CD46: variants seen among roughly 807,000 people sequenced by gnomAD.
CD46 encodes the protein membrane cofactor protein.
CD46 carries 30 observed loss-of-function variants against 53.3 expected under a neutral mutation model. The ratio of observed to expected loss-of-function variants is 0.56; its 90% confidence interval spans 0.42 to 0.76. CD46 has a LOEUF of 0.76. Ranked by LOEUF, CD46 falls within the 30% of genes least tolerant of loss-of-function variation. The pLI, the probability that CD46 is intolerant of heterozygous loss-of-function variation, is 0.00. For missense variants in CD46, 409 were observed against 463.0 expected (o/e 0.88, Z 1.07); for synonymous variants, 142 against 152.0 (o/e 0.93, Z 0.48).
chr1:207,760,367 T>C (rs1656042824), intron 4 of CD46: 3 of 152,348 alleles, frequency 2.0e-5, no homozygotes, highest in African/African-American at 7.2e-5. Flanking sequence ...ACACAATATG[T>C]AGCCTTTGGA....
At chr1:207,783,242 A>T in intron 8 of CD46, 50 bp from the exon 9 acceptor site, 102 of 904,940 alleles carry the variant, frequency 1.1e-4, no homozygotes, top group Non-Finnish European at 1.7e-4. Context: ...TTTATATTTA[A>T]TTCTTTCCTT....
At chr1:207,791,359 T>C (rs1659785988) in intron 12 of CD46, among the ~76,000 whole-genome samples, 1 of 152,160 alleles carries the variant, frequency 6.6e-6, no homozygotes, top group African/African-American at 2.4e-5. Flanking sequence ...ATAATATCAA[T>C]TATAAAAATA....
At chr1:207,770,751 C>T (rs1324338643) in intron 8 of CD46, among the ~76,000 whole-genome samples, 1 of 152,204 alleles carries the variant, frequency 6.6e-6, no homozygotes, top group Non-Finnish European at 1.5e-5. Context: ...TTTATGGCTG[C>T]ATAGTATTCC....
In CD46 at chr1:207,767,813, C is replaced by T. The variant is rs778868573; in HGVS notation, c.891C>T (p.Ser297=). 1 of 1,609,990 alleles carries T rather than the reference C, an allele frequency of 6.2e-7. No homozygotes were observed. The highest frequency in any genetic ancestry group is 1.7e-5 in the Admixed American group (1 of 60,020). Residue 297 remains serine, a synonymous_variant, in exon 7 of 13, where the codon TCC becomes TCT. Transcript: ENST00000367042. ...CTTCCACTACAAAATCTCCAGCGTC[C>T]AGTGCCTCAGGTTTAGTAATTTCCT... ...STSSTTKSPA[S]SASGPRPTYK...
At chr1:207,785,238 CTT>C in intron 10 of CD46, 132 bp downstream of exon 10, 1 of 727,896 alleles carries the variant, frequency 1.4e-6, no homozygotes, top group Non-Finnish European at 2.4e-6. Flanking sequence ...GAAAACCTGA[CTT>C]TTTATTTGAT....
intron 5 of CD46, among the ~76,000 whole-genome samples, chr1:207,763,797 G>GA (rs1558052733): frequency 1.3e-5 from 2 of 149,340 alleles, no homozygotes; most frequent in African/African-American, 4.9e-5. Flanking sequence ...ATTTTCCAGT[G>GA]AGTTTCCTTG....
At chr1:207,786,518 G>A (rs1659288843) in intron 11 of CD46, among the ~76,000 whole-genome samples, 1 of 152,154 alleles carries the variant, frequency 6.6e-6, no homozygotes, top group Non-Finnish European at 1.5e-5. Context: ...CTAAGATTAG[G>A]TGCTTTGAAA....
At chr1:207,783,648 A>G (rs1352443752) in intron 9 of CD46, 1 of 192,948 alleles carries the variant, frequency 5.2e-6, no homozygotes, top group Admixed American at 5.8e-5. Context: ...TACGCAGTTT[A>G]CACAATGCAT....
Position 207,756,558 on chromosome 1 carries a change from G to C in CD46, c.98-456G>C, listed in dbSNP as rs41317045. On this transcript the variant is annotated intron_variant, in intron 1 of 12. Coordinates refer to ENST00000367042, the MANE Select transcript of CD46 (RefSeq NM_172351.3). ...GTAGAAAAAGAAGAACATGGTTCTT[G>C]ACCCCCAGGAACTTGCCTTTTAAGA... Among the ~76,000 whole-genome samples, 513 of 152,292 alleles carry C rather than the reference G, an allele frequency of 3.4e-3. 3 individuals are homozygous for C. The highest frequency in any genetic ancestry group is 0.012 in the African/African-American group (487 of 41,560).
At chr1:207,766,612 A>G (rs2102593263) in intron 5 of CD46, among the ~76,000 whole-genome samples, 1 of 152,270 alleles carries the variant, frequency 6.6e-6, no homozygotes, top group East Asian at 1.9e-4. Context: ...CAGCAGGATG[A>G]ATAAATTATT....
Position 207,752,384 on chromosome 1 carries a change from G to C in CD46, c.97+75G>C. 1 of 1,371,398 alleles carries C rather than the reference G, an allele frequency of 7.3e-7. No homozygotes were observed. Among genetic ancestry groups the C allele is most frequent in the East Asian group, 2.3e-5 (1 of 43,812 alleles). 85.0% of individuals were successfully genotyped at this position (1,371,398 alleles called of 1,614,324 possible). A position where few individuals can be genotyped will look rare whatever the true frequency, so the allele number is the denominator to read the frequency against. On this transcript the variant is annotated intron_variant, in intron 1 of 12. Coordinates refer to ENST00000367042, the MANE Select transcript of CD46 (RefSeq NM_172351.3). This position sits in a 1 kb window ranked among gnomAD's most constrained non-coding sequence, Gnocchi z 4.1. Reference sequence around the variant, plus strand: ...CTCAGTCGGGCAAGAGTCGCGGGGCGGGGCTCACAGCAGGCCGTGCCTGTT... The same window carrying C: ...CTCAGTCGGGCAAGAGTCGCGGGGCCGGGCTCACAGCAGGCCGTGCCTGTT...
intron 8 of CD46, among the ~76,000 whole-genome samples, chr1:207,773,830 G>A (rs1446919053): frequency 3.9e-5 from 6 of 152,170 alleles, no homozygotes; most frequent in Admixed American, 6.5e-5. Context: ...GAATAAGTGC[G>A]ATGTGGTGCT....
intron 8 of CD46, among the ~76,000 whole-genome samples, chr1:207,781,585 A>C (rs1658740375): frequency 6.6e-6 from 1 of 152,056 alleles, no homozygotes; most frequent in Non-Finnish European, 1.5e-5. Context: ...TCTCTGATCT[A>C]TTTTGAGTTT....
intron 5 of CD46, among the ~76,000 whole-genome samples, chr1:207,764,489 C>T (rs1656620867): frequency 6.6e-6 from 1 of 152,154 alleles, no homozygotes; most frequent in Non-Finnish European, 1.5e-5. Flanking sequence ...GTTTCTCATC[C>T]TTTTTCTGAC....
chr1:207,789,278 C>T (rs1230847825), intron 11 of CD46, among the ~76,000 whole-genome samples: 2 of 151,802 alleles, frequency 1.3e-5, no homozygotes, highest in African/African-American at 4.8e-5. Flanking sequence ...TTCCTTTTTT[C>T]CATTAATGGT....
At chr1:207,785,740 T>C in intron 11 of CD46, 58 bp downstream of exon 11, 1 of 1,093,210 alleles carries the variant, frequency 9.1e-7, no homozygotes, top group Non-Finnish European at 1.4e-6. Flanking sequence ...AACATGCTTT[T>C]GTGCAGCTTC....
Position 207,761,388 on chromosome 1 carries a change from G to C in CD46, c.615G>C (p.Glu205Asp). The part of the protein sequence containing the change: ...PGPDPFSLIG[E>D]STIYCGDNSV... ...CAGATCCATTTTCACTTATTGGAGAGAGCACGATTTATTGTGGTGACAATT... is the reference window on the plus strand; with the variant it reads ...CAGATCCATTTTCACTTATTGGAGACAGCACGATTTATTGTGGTGACAATT... Residue 205 changes from glutamate to aspartate, a missense_variant, in exon 5 of 13, where the codon GAG (glutamate) becomes GAC (aspartate). Transcript: ENST00000367042. 6.2e-7 allele frequency: 1 copy of C among 1,614,100 alleles called. No individual in the cohort carries two copies. The highest frequency in any genetic ancestry group is 1.7e-5 in the Admixed American group (1 of 60,028).
intron 1 of CD46, among the ~76,000 whole-genome samples, chr1:207,754,318 C>T (rs979336980): frequency 2.4e-4 from 37 of 152,142 alleles, no homozygotes; most frequent in Non-Finnish European, 4.9e-4. Context: ...GAAACAGTCT[C>T]GCTCTTCTGC....
At chr1:207,758,962 CAGA>C (rs1229996610) in intron 3 of CD46, among the ~76,000 whole-genome samples, 2 of 152,046 alleles carry the variant, frequency 1.3e-5, no homozygotes, top group East Asian at 3.9e-4. Context: ...TCTAAGAGTC[CAGA>C]AGGAGGAGAG....
Sources: allele counts gnomAD v4.1 joint callset (sites outside exome capture counted in the v4.1 genomes callset), GRCh38; gene constraint gnomAD v4.1.1; non-coding constraint Gnocchi (gnomAD v3.1); transcripts MANE v1.5; gene names NCBI Gene and HGNC (gene_info 2026-07-23, HGNC 2026-07-21).